UNC5D: variants seen among roughly 807,000 people sequenced by gnomAD.
The protein encoded by UNC5D is netrin receptor UNC5D.
In UNC5D, 39 loss-of-function variants were observed where a neutral mutation model predicts 105.4. The observed-to-expected ratio is 0.37, with a 90% CI of 0.29 to 0.48. The LOEUF (loss-of-function observed/expected upper bound fraction) is 0.48. Among genes scored for constraint, UNC5D ranks in the 20% least tolerant of loss-of-function variants. The pLI is 0.98. For missense variants in UNC5D, 991 were observed against 1,202.4 expected (o/e 0.82, Z 2.60); for synonymous variants, 452 against 450.4 (o/e 1.00, Z -0.04).
intron 1 of UNC5D, among the ~76,000 whole-genome samples, chr8:35,517,762 A>T (rs1451945286): frequency 6.6e-6 from 1 of 152,176 alleles, no homozygotes. Context: ...AGTACCATGG[A>T]CTGGGTAGCT....
intron 3 of UNC5D, among the ~76,000 whole-genome samples, chr8:35,585,206 C>A (rs1818706329): frequency 6.6e-6 from 1 of 152,112 alleles, no homozygotes; most frequent in Non-Finnish European, 1.5e-5. Flanking sequence ...AATTTACCAG[C>A]AGAGGGATTA....
chr8:35,553,637 A>G (rs962450258), intron 2 of UNC5D, among the ~76,000 whole-genome samples: 1 of 152,226 alleles, frequency 6.6e-6, no homozygotes, highest in Non-Finnish European at 1.5e-5. Flanking sequence ...CACTGCAATT[A>G]TGTTTCCTAA....
intron 1 of UNC5D, among the ~76,000 whole-genome samples, chr8:35,402,746 C>T (rs971926364): frequency 2.6e-5 from 4 of 152,172 alleles, no homozygotes; most frequent in African/African-American, 9.7e-5. Flanking sequence ...GCTTCCTCTT[C>T]TGACCATCCT....
chr8:35,405,417 G>A (rs575720925), intron 1 of UNC5D, among the ~76,000 whole-genome samples: 1 of 152,320 alleles, frequency 6.6e-6, no homozygotes, highest in East Asian at 1.9e-4. Flanking sequence ...GATTTAAGCT[G>A]AGCCTATGAT....
chr8:35,700,033 T>C (rs985303748), intron 7 of UNC5D, among the ~76,000 whole-genome samples: 2 of 152,204 alleles, frequency 1.3e-5, no homozygotes, highest in Non-Finnish European at 2.9e-5. Flanking sequence ...CCACTTGCCA[T>C]TGTCTCCCTG....
At chr8:35,425,611 G>T (rs1167349297) in intron 1 of UNC5D, among the ~76,000 whole-genome samples, 1 of 152,130 alleles carries the variant, frequency 6.6e-6, no homozygotes, top group Non-Finnish European at 1.5e-5. Flanking sequence ...ACTTGCTCAA[G>T]GACAATGCGT....
intron 1 of UNC5D, among the ~76,000 whole-genome samples, chr8:35,407,360 T>C (rs1563387614): frequency 6.6e-6 from 1 of 152,058 alleles, no homozygotes; most frequent in East Asian, 1.9e-4. Flanking sequence ...AAAAAAACAC[T>C]TGATAGTAAT....
At chr8:35,280,914 C>A (rs1161151408) in intron 1 of UNC5D, among the ~76,000 whole-genome samples, 2 of 152,136 alleles carry the variant, frequency 1.3e-5, no homozygotes, top group Non-Finnish European at 2.9e-5. Context: ...TTTCCCATTG[C>A]CTAACAAAAA....
chr8:35,605,430 C>T (rs1190237394), intron 4 of UNC5D, among the ~76,000 whole-genome samples: 2 of 152,130 alleles, frequency 1.3e-5, no homozygotes, highest in African/African-American at 4.8e-5. Context: ...AGTACCTGGC[C>T]GTATGAGGTG....
chr8:35,745,351 G>A (rs1829948916), intron 11 of UNC5D, among the ~76,000 whole-genome samples: 2 of 152,108 alleles, frequency 1.3e-5, no homozygotes, highest in African/African-American at 4.8e-5. Flanking sequence ...TCCAGAGTAC[G>A]AATTGTAGCA....
At chr8:35,775,191 G>A (rs1802190839) in intron 16 of UNC5D, among the ~76,000 whole-genome samples, 1 of 152,214 alleles carries the variant, frequency 6.6e-6, no homozygotes, top group South Asian at 2.1e-4. Flanking sequence ...CCCTTAATGA[G>A]GACATGCTCA....
chr8:35,575,621 A>G (rs548818756), intron 3 of UNC5D, among the ~76,000 whole-genome samples: 2 of 152,320 alleles, frequency 1.3e-5, no homozygotes, highest in East Asian at 3.9e-4. Context: ...GAATGTGGAT[A>G]TATTCCCATG....
intron 1 of UNC5D, among the ~76,000 whole-genome samples, chr8:35,297,998 T>A (rs1467018385): frequency 1.3e-5 from 2 of 152,170 alleles, no homozygotes; most frequent in Non-Finnish European, 2.9e-5. Context: ...GTACTGGTGA[T>A]CTTTCTGGTC....
chr8:35,778,919 C>A (rs915902115), intron 16 of UNC5D, among the ~76,000 whole-genome samples: 12 of 152,144 alleles, frequency 7.9e-5, no homozygotes, highest in African/African-American at 1.4e-4. Context: ...GATGAGAATG[C>A]GAGAAATGTC....
At chr8:35,772,918 C>G (rs1380601193) in intron 15 of UNC5D, among the ~76,000 whole-genome samples, 3 of 151,860 alleles carry the variant, frequency 2.0e-5, no homozygotes, top group Admixed American at 6.6e-5. Flanking sequence ...CAGAAGCCAC[C>G]CTCAGGTCCC....
At chr8:35,661,853 C>T (rs1419490988) in intron 4 of UNC5D, among the ~76,000 whole-genome samples, 1 of 152,106 alleles carries the variant, frequency 6.6e-6, no homozygotes, top group Non-Finnish European at 1.5e-5. Context: ...ACTGCACAGG[C>T]TTCCTTTCTT....
rs79523129 is a variant in UNC5D at position 35,376,834 on chromosome 8, C to T, written c.103+140947C>T. Among the ~76,000 whole-genome samples, 1,336 of 152,228 alleles carry T rather than the reference C, an allele frequency of 8.8e-3. 10 individuals are homozygous for T. Among genetic ancestry groups the T allele is most frequent in the Non-Finnish European group, 0.012 (840 of 68,020 alleles). On this transcript the variant is annotated intron_variant, in intron 1 of 16. Transcript: ENST00000404895. ...CACACACTTGTTCATAGTGTTCATC[C>T]GCCAGGAATGATCACTGCTATGTCA... is the stretch of plus-strand genomic sequence containing the variant.
chr8:35,411,396 A>G (rs1805155747), intron 1 of UNC5D, among the ~76,000 whole-genome samples: 1 of 152,026 alleles, frequency 6.6e-6, no homozygotes, highest in Non-Finnish European at 1.5e-5. Flanking sequence ...ACCTAAGATG[A>G]CAGTCACCAT....
intron 4 of UNC5D, among the ~76,000 whole-genome samples, chr8:35,605,487 G>A (rs899093770): frequency 1.3e-4 from 20 of 152,170 alleles, no homozygotes; most frequent in African/African-American, 4.1e-4. Flanking sequence ...GCTACTTGGC[G>A]GTCAGGGACC....
Sources: allele counts gnomAD v4.1 joint callset (sites outside exome capture counted in the v4.1 genomes callset), GRCh38; gene constraint gnomAD v4.1.1; transcripts MANE v1.5; gene names NCBI Gene and HGNC (gene_info 2026-07-23, HGNC 2026-07-21).